ZDHHC11B: variants seen among roughly 807,000 people sequenced by gnomAD.
ZDHHC11B encodes probable palmitoyltransferase ZDHHC11B.
In ZDHHC11B, 17 loss-of-function variants were observed where a neutral mutation model predicts 42.3. The ratio of observed to expected loss-of-function variants is 0.40; its 90% CI spans 0.27 to 0.60. The LOEUF is 0.60. Among genes scored for constraint, ZDHHC11B ranks in the 20% least tolerant of loss-of-function variants. The pLI, the probability that ZDHHC11B is intolerant of heterozygous loss-of-function variation, is 0.41. For missense variants in ZDHHC11B, 262 were observed against 463.2 expected, an observed-to-expected ratio of 0.57 and a Z score of 3.99; for synonymous variants, 123 against 193.5, an observed-to-expected ratio of 0.64 and a Z score of 3.02.
chr5:757,284 C>T (rs2652409), intron 4 of ZDHHC11B, among the ~76,000 whole-genome samples: 1 of 151,856 alleles, frequency 6.6e-6, no homozygotes. Flanking sequence ...CGGCCTGTGT[C>T]GCACAGCGCT....
Position 711,197 on chromosome 5 carries a change from GCTGTGCCCTCCCCTTTCCCAGTA to G in ZDHHC11B, c.*1070_*1092del, listed in dbSNP as rs1741339053. 1 of 149,256 alleles carries G rather than the reference GCTGTGCCCTCCCCTTTCCCAGTA, an allele frequency of 6.7e-6. No individual in the cohort carries two copies. Among genetic ancestry groups the G allele is most frequent in the Non-Finnish European group, 1.5e-5 (1 of 67,956 alleles). The allele number at this position is 149,256 out of a possible 1,614,324, so 9.2% of individuals were successfully genotyped here. ...CAGTACTATGCTCCCATTTCCCAGT[GCTGTGCCCTCCCCTTTCCCAGTA>G]CTGTGCTCCCATTTCCCAATACTGT... On this transcript the variant is annotated 3_prime_UTR_variant, in exon 14 of 14. Transcript: ENST00000508859.
chr5:719,564 GAGCA>G (rs1742028504), intron 12 of ZDHHC11B, among the ~76,000 whole-genome samples: 1 of 150,748 alleles, frequency 6.6e-6, no homozygotes, highest in South Asian at 2.1e-4. Flanking sequence ...CAACAGATCT[GAGCA>G]AGCAGAAGAA....
chr5:759,131 A>C (rs1734239388), intron 4 of ZDHHC11B, among the ~76,000 whole-genome samples: 1 of 151,902 alleles, frequency 6.6e-6, no homozygotes, highest in African/African-American at 2.4e-5. Context: ...CATCACCCAA[A>C]CTGCCTGCCC....
chr5:721,377 T>G (rs1319391083), intron 12 of ZDHHC11B, among the ~76,000 whole-genome samples: 3 of 151,488 alleles, frequency 2.0e-5, no homozygotes, highest in Non-Finnish European at 4.4e-5. Context: ...ATTATATATA[T>G]AGATAGATAG....
Position 740,951 on chromosome 5 carries a change from T to C in ZDHHC11B, c.935+643A>G, listed in dbSNP as rs529461542. 2.1e-3 allele frequency among the ~76,000 whole-genome samples: 224 copies of C among 107,402 alleles called. 3 individuals are homozygous for C. Among genetic ancestry groups the C allele is most frequent in the Non-Finnish European group, 3.1e-3 (147 of 47,902 alleles). 70.5% of individuals were successfully genotyped at this position (107,402 alleles called of 152,430 possible). ...AACTAAGCATACTGTTAGTATCTCA[T>C]AGTGAGAAGAGCGACAGCGTTGAAT... On this transcript the variant is annotated intron_variant, in intron 10 of 13. Transcript: ENST00000508859.
intron 12 of ZDHHC11B, among the ~76,000 whole-genome samples, chr5:722,683 T>C (rs148090105): frequency 0.014 from 2,050 of 151,318 alleles, 16 homozygotes; most frequent in African/African-American, 0.048. Context: ...GTTGCACCTG[T>C]ACAACAGGAG....
chr5:719,560 A>T (rs1203299175), intron 12 of ZDHHC11B, among the ~76,000 whole-genome samples: 1 of 151,166 alleles, frequency 6.6e-6, no homozygotes, highest in Non-Finnish European at 1.5e-5. Flanking sequence ...AGTTCAACAG[A>T]TCTGAGCAAG....
At chr5:718,475 C>T (rs1422113731) in intron 12 of ZDHHC11B, among the ~76,000 whole-genome samples, 1 of 151,640 alleles carries the variant, frequency 6.6e-6, no homozygotes, top group Non-Finnish European at 1.5e-5. Flanking sequence ...AGATCGAGAA[C>T]ATCCTGGCTA....
At position 766,683 on chromosome 5, in the gene ZDHHC11B, C is replaced by G; in HGVS notation, c.222+15G>C. On this transcript the variant is annotated intron_variant, in intron 4 of 13. Transcript: ENST00000508859. The stretch of plus-strand genomic sequence containing the variant: ...AACCCCTCCCGCTTAGACCATGCCA[C>G]GATGAAAAGGATACCACATAGGCGA... 2 of 1,597,736 alleles carry G rather than the reference C, an allele frequency of 1.3e-6. No individual in the cohort carries two copies. Among genetic ancestry groups the G allele is most frequent in the Admixed American group, 1.7e-5 (1 of 57,530 alleles).
chr5:714,580 T>G (rs1354671766), intron 13 of ZDHHC11B, among the ~76,000 whole-genome samples: 2 of 108,324 alleles, frequency 1.8e-5, no homozygotes, highest in Non-Finnish European at 4.2e-5. Flanking sequence ...CATTCAAAAA[T>G]AATGCAAATG....
rs948429094 is a variant in ZDHHC11B at position 759,434 on chromosome 5, C to T, written c.223-3290G>A. ...CTGACACGTGCCACTGAAGGCGCCGCGCCACTCCATGCTGGTGAATCTTCC... is the reference window on the plus strand; with the variant it reads ...CTGACACGTGCCACTGAAGGCGCCGTGCCACTCCATGCTGGTGAATCTTCC... On this transcript the variant is annotated intron_variant, in intron 4 of 13. Transcript: ENST00000508859. Among the ~76,000 whole-genome samples the T allele has an allele frequency of 1.3e-4, 19 of 151,946 alleles. 1 individual carries two copies. The highest frequency in any genetic ancestry group is 1.0e-3 in the Admixed American group (16 of 15,244).
intron 9 of ZDHHC11B, among the ~76,000 whole-genome samples, chr5:744,610 C>CA (rs1460728141): frequency 6.7e-6 from 1 of 149,500 alleles, no homozygotes; most frequent in Non-Finnish European, 1.5e-5. Flanking sequence ...TACGGTGGCT[C>CA]ATGCTTGTAA....
chr5:736,938 C>T (rs1372936051), intron 10 of ZDHHC11B, among the ~76,000 whole-genome samples: 16 of 131,960 alleles, frequency 1.2e-4, no homozygotes, highest in Non-Finnish European at 2.6e-4. Flanking sequence ...AAACCCAAAC[C>T]CAACAGAAGA....
Position 766,811 on chromosome 5 carries a change from G to A in ZDHHC11B, c.109C>T (p.Pro37Ser), listed in dbSNP as rs1339764269. 1.2e-6 allele frequency: 2 copies of A among 1,612,732 alleles called. No homozygotes were observed. The highest frequency in any genetic ancestry group is 1.7e-5 in the Admixed American group (1 of 59,944). Reference sequence around the variant, plus strand: ...GTCACCACCCGGAAGTAGTGCAGGGGTAACGACCAGCCGTTCACTCTGGAG... The same window carrying A: ...GTCACCACCCGGAAGTAGTGCAGGGATAACGACCAGCCGTTCACTCTGGAG... ...RISRVNGWSLPLHYFRVVTWA... is the reference protein window; with the variant it reads ...RISRVNGWSLSLHYFRVVTWA... Residue 37 changes from proline (P) to serine (S), a missense_variant, in exon 4 of 14, where the codon CCC (proline) becomes TCC (serine). Transcript: ENST00000508859.
At chr5:725,127 T>C (rs1742481874) in intron 12 of ZDHHC11B, among the ~76,000 whole-genome samples, 1 of 151,366 alleles carries the variant, frequency 6.6e-6, no homozygotes. Context: ...ACAGGATTCG[T>C]GAGTGCCTTC....
rs960068921 is a variant in ZDHHC11B, at chr5:765,841, A to G, written c.222+857T>C. The stretch of plus-strand genomic sequence containing the variant: ...GCCGCCTTTAAGAACTGTAACACTC[A>G]CCGCGAGGGTCTGCGGCTTCATTCT... On this transcript the variant is annotated intron_variant, in intron 4 of 13. Transcript: ENST00000508859. 1.3e-4 allele frequency among the ~76,000 whole-genome samples: 19 copies of G among 151,886 alleles called. 1 individual carries two copies. Among genetic ancestry groups the G allele is most frequent in the Non-Finnish European group, 2.6e-4 (18 of 67,952 alleles).
chr5:729,475 C>G (rs1329450439), intron 12 of ZDHHC11B, among the ~76,000 whole-genome samples: 1 of 150,882 alleles, frequency 6.6e-6, no homozygotes. Context: ...ATATGGCAGG[C>G]AGGCTGGGGA....
At chr5:721,967 G>A (rs1225893264) in intron 12 of ZDHHC11B, among the ~76,000 whole-genome samples, 2 of 151,692 alleles carry the variant, frequency 1.3e-5, no homozygotes. Context: ...TTATGCCAGT[G>A]GGGAGAGGAC....
rs1741406788 is a variant in ZDHHC11B, at chr5:711,859, T to TTTCCCAGCACTATGCTCCCAA, written c.*430_*431insTTGGGAGCATAGTGCTGGGAA. 1.2e-5 allele frequency: 1 copy of TTTCCCAGCACTATGCTCCCAA among 84,186 alleles called. No homozygotes were observed. Among genetic ancestry groups the TTTCCCAGCACTATGCTCCCAA allele is most frequent in the Non-Finnish European group, 2.6e-5 (1 of 38,246 alleles). 5.2% of individuals were successfully genotyped at this position (84,186 alleles called of 1,614,324 possible). ...CCCATTTCTCAGTACTGTGCTCCCA[T>TTTCCCAGCACTATGCTCCCAA]TTCCCAGTACTATGCTCCCATTTCC... On this transcript the variant is annotated 3_prime_UTR_variant, in exon 14 of 14. Coordinates refer to ENST00000508859, the MANE Select transcript of ZDHHC11B (RefSeq NM_001351303.2).
Sources: gnomAD v4.1 joint callset for allele counts (sites outside exome capture counted in the v4.1 genomes callset) on GRCh38, gnomAD v4.1.1 for gene constraint, MANE v1.5 for transcripts, NCBI Gene and HGNC (gene_info 2026-07-23, HGNC 2026-07-21) for gene names.